The following RIMBP2 variants were observed in gnomAD, a reference collection of about 807,000 sequenced individuals.
The protein encoded by RIMBP2 is RIMS binding protein 2, also known as RIMS-binding protein 2.
A neutral mutation model predicts 118.6 loss-of-function variants in RIMBP2; 48 were observed. That is an observed-to-expected ratio of 0.40 (90% CI 0.32 to 0.51). RIMBP2 has a LOEUF of 0.51. Ranked by LOEUF, RIMBP2 falls within the 20% of genes least tolerant of loss-of-function variation. RIMBP2 has a pLI of 0.41. For missense variants in RIMBP2, 1,551 were observed against 1,768.3 expected, an observed-to-expected ratio of 0.88 and a Z score of 2.20; for synonymous variants, 762 against 742.9, an observed-to-expected ratio of 1.03 and a Z score of -0.42.
intron 6 of RIMBP2, among the ~76,000 whole-genome samples, chr12:130,460,727 G>A (rs902217161): frequency 2.6e-5 from 4 of 152,182 alleles, no homozygotes; most frequent in African/African-American, 9.7e-5. Context: ...TGTTCTTAGA[G>A]TGGCAGCCAG....
At chr12:130,508,042 C>A (rs1047488741) in intron 3 of RIMBP2, among the ~76,000 whole-genome samples, 1 of 152,116 alleles carries the variant, frequency 6.6e-6, no homozygotes, top group African/African-American at 2.4e-5. Context: ...TTTGCTGCAA[C>A]GTGATGTTAT....
At chr12:130,408,717 G>A (rs1489833717) in intron 19 of RIMBP2, among the ~76,000 whole-genome samples, 6 of 152,220 alleles carry the variant, frequency 3.9e-5, no homozygotes, top group Admixed American at 2.0e-4. Context: ...TCCTCCTGGC[G>A]AAAGTTGGCA....
At chr12:130,502,096 TGATG>T (rs1335698573) in intron 4 of RIMBP2, among the ~76,000 whole-genome samples, 1 of 152,164 alleles carries the variant, frequency 6.6e-6, no homozygotes, top group African/African-American at 2.4e-5. Context: ...CTGTCTTGCC[TGATG>T]GAGGAGGGGA....
intron 1 of RIMBP2, among the ~76,000 whole-genome samples, chr12:130,679,942 G>A (rs1041429493): frequency 1.9e-4 from 28 of 150,960 alleles, no homozygotes; most frequent in African/African-American, 2.7e-4. Flanking sequence ...GGAAGGACCC[G>A]TGAGTGTGAT....
chr12:130,615,009 T>G (rs1474068562), intron 2 of RIMBP2, among the ~76,000 whole-genome samples: 1 of 149,338 alleles, frequency 6.7e-6, no homozygotes, highest in African/African-American at 2.4e-5. Context: ...GCTCCCCATT[T>G]GTCTGGCAGG....
chr12:130,479,456 T>G (rs2081755462), intron 4 of RIMBP2, among the ~76,000 whole-genome samples: 1 of 152,162 alleles, frequency 6.6e-6, no homozygotes, highest in African/African-American at 2.4e-5. Flanking sequence ...ATCATCCCCA[T>G]CATAAGCCTA....
chr12:130,484,333 C>T (rs186013593), intron 4 of RIMBP2, among the ~76,000 whole-genome samples: 3 of 152,344 alleles, frequency 2.0e-5, no homozygotes, highest in East Asian at 1.9e-4. Flanking sequence ...GACCAGTGCC[C>T]GCCTCTGGAC....
intron 1 of RIMBP2, among the ~76,000 whole-genome samples, chr12:130,692,198 C>T (rs1369207470): frequency 2.6e-5 from 4 of 152,112 alleles, no homozygotes; most frequent in Non-Finnish European, 4.4e-5. Context: ...ATTCTCGGGA[C>T]AGAAGTGGGA....
At chr12:130,430,568 G>GCCTA (rs2077085627) in intron 14 of RIMBP2, 1 of 151,586 alleles carries the variant, frequency 6.6e-6, no homozygotes, top group Non-Finnish European at 1.5e-5. Flanking sequence ...GGTTCTGGGG[G>GCCTA]CCTAGTATTC....
chr12:130,565,765 A>G (rs1355742019), intron 2 of RIMBP2, among the ~76,000 whole-genome samples: 4 of 152,250 alleles, frequency 2.6e-5, no homozygotes, highest in Non-Finnish European at 4.4e-5. Flanking sequence ...TTCACACAGC[A>G]GCACAAAGGG....
chr12:130,424,821 C>T lies in RIMBP2; in HGVS notation c.2450G>A (p.Trp817Ter). 2 of 1,232,698 alleles carry T rather than the reference C, an allele frequency of 1.6e-6. No homozygotes were observed. The highest frequency in any genetic ancestry group is 2.0e-6 in the Non-Finnish European group (2 of 988,432). 76.4% of individuals were successfully genotyped at this position (1,232,698 alleles called of 1,614,324 possible). Residue 817 changes from tryptophan to a stop codon, truncating the protein, a stop_gained, in exon 16 of 23, where the codon TGG becomes TAG. Transcript: ENST00000690449. LOFTEE classifies it high-confidence loss of function. The surrounding 1 kb of genome is among the most constrained non-coding windows in gnomAD (Gnocchi z 9.8). ...TDHRTSEGTF[W>*]EQPEFPHQPH... ...CTGGTGGGGAAACTCGGGCTGCTCC[C>T]AGAAAGTGCCTTCCGAGGTCCTATG...
In RIMBP2 at chr12:130,424,424, G is replaced by C. The variant is rs2076631965; in HGVS notation, c.2847C>G (p.Pro949=). The stretch of plus-strand genomic sequence containing the variant: ...GCAGCGGCCTCGGGCCCCTCCTGCA[G>C]GGACAGTGACCAGGGCCTGGGCTGC... ...AACSPGPGHC[P]CRRGPRPLLA... The change falls in exon 16 of 23, where the codon CCC becomes CCG. Residue 949 remains proline (P), a synonymous_variant. Transcript: ENST00000690449. This position sits in a 1 kb window ranked among gnomAD's most constrained non-coding sequence, Gnocchi z 9.8. The C allele has an allele frequency of 8.1e-7, 1 of 1,232,752 alleles. No individual in the cohort carries two copies. The allele number at this position is 1,232,752 out of a possible 1,614,324, so 76.4% of individuals were successfully genotyped here.
chr12:130,699,957 C>G (rs552664304), intron 1 of RIMBP2, among the ~76,000 whole-genome samples: 1 of 150,312 alleles, frequency 6.7e-6, no homozygotes, highest in Non-Finnish European at 1.5e-5. Flanking sequence ...TTAAAATATC[C>G]CAATTTTTAA....
intron 1 of RIMBP2, among the ~76,000 whole-genome samples, chr12:130,645,961 T>C (rs1467567686): frequency 1.3e-5 from 2 of 152,112 alleles, no homozygotes; most frequent in Admixed American, 6.5e-5. Context: ...CCTATGCTTT[T>C]AAAGAAGGAA....
intron 4 of RIMBP2, among the ~76,000 whole-genome samples, chr12:130,503,399 AG>A (rs1404581522): frequency 8.0e-4 from 39 of 48,744 alleles, no homozygotes; most frequent in South Asian, 9.8e-4. Context: ...CCATCTAAAA[AG>A]AAAAAACAAA....
rs1484232393 is a variant in RIMBP2, at chr12:130,422,594, T to G, written c.3130-33A>C. On this transcript the variant is annotated intron_variant, in intron 16 of 22. Transcript: ENST00000690449. This position sits in a 1 kb window ranked among gnomAD's most constrained non-coding sequence, Gnocchi z 5.2. Reference sequence around the variant, plus strand: ...CAAAACAACAACAAAGTCGTAAGTCTCGCCAGCATTGGGAACTGAAGAATT... The same window carrying G: ...CAAAACAACAACAAAGTCGTAAGTCGCGCCAGCATTGGGAACTGAAGAATT... The G allele has an allele frequency of 1.4e-6, 2 of 1,469,066 alleles. No homozygotes were observed. The highest frequency in any genetic ancestry group is 1.9e-6 in the Non-Finnish European group (2 of 1,065,376). 91.0% of individuals were successfully genotyped at this position (1,469,066 alleles called of 1,614,324 possible).
rs575860983 is a variant in RIMBP2, at chr12:130,402,564, T to G, written c.3766-2751A>C. 2.6e-3 allele frequency among the ~76,000 whole-genome samples: 390 copies of G among 152,234 alleles called. 1 individual carries two copies. The highest frequency in any genetic ancestry group is 4.6e-3 in the Non-Finnish European group (312 of 68,028). ...TACAGAATAACTTTCTCTAAAAAAA[T>G]TTCACCTTGACCTTTCCCTCCTCAG... On this transcript the variant is annotated intron_variant, in intron 21 of 22. Transcript: ENST00000690449.
At chr12:130,507,148 G>T (rs902815324) in intron 3 of RIMBP2, among the ~76,000 whole-genome samples, 3 of 152,206 alleles carry the variant, frequency 2.0e-5, no homozygotes, top group Non-Finnish European at 4.4e-5. Flanking sequence ...TAGGAACCCG[G>T]AAGAACTCTC....
chr12:130,617,186 C>T lies in RIMBP2; in HGVS notation c.-217+11136G>A, dbSNP rs551277305. Among the ~76,000 whole-genome samples, 6 of 152,182 alleles carry T rather than the reference C, an allele frequency of 3.9e-5. No individual in the cohort carries two copies. Among genetic ancestry groups the T allele is most frequent in the African/African-American group, 9.6e-5 (4 of 41,520 alleles). ...CCAACGATCCCCCACCCCCGACCCC[C>T]GCCCCGAGTTAGTGCTGCCACCTCC... On this transcript the variant is annotated intron_variant, in intron 2 of 22. Transcript: ENST00000690449. This position sits in a 1 kb window ranked among gnomAD's most constrained non-coding sequence, Gnocchi z 4.6.
Sources: gnomAD v4.1 joint callset for allele counts (sites outside exome capture counted in the v4.1 genomes callset) on GRCh38, gnomAD v4.1.1 for gene constraint, Gnocchi (gnomAD v3.1) non-coding constraint, MANE v1.5 for transcripts, NCBI Gene and HGNC (gene_info 2026-07-23, HGNC 2026-07-21) for gene names.